The following ZNF618 variants were observed in gnomAD, a reference collection of about 807,000 sequenced individuals.
The protein encoded by ZNF618 is zinc finger protein 618, also known as neural precursor cell expressed, developmentally down-regulated 10.
ZNF618 carries 34 observed loss-of-function variants against 103.0 expected under a neutral mutation model. The observed-to-expected ratio is 0.33, with a 90% CI of 0.25 to 0.44. ZNF618 has a LOEUF of 0.44. Among genes scored for constraint, ZNF618 ranks in the 20% least tolerant of loss-of-function variants. The pLI is 1.00. For synonymous variants in ZNF618, 551 were observed against 542.2 expected (o/e 1.02, Z -0.23); for missense variants, 1,059 against 1,295.4 (o/e 0.82, Z 2.80).
chr9:113,959,145 C>T (rs2761690), intron 1 of ZNF618, among the ~76,000 whole-genome samples: 9,140 of 152,040 alleles, frequency 0.06, 364 homozygotes, highest in African/African-American at 0.12. Context: ...CAAAATTAGC[C>T]GGGCGTCGTG....
chr9:114,027,400 G>A (rs1015060262), intron 10 of ZNF618, among the ~76,000 whole-genome samples: 1 of 152,226 alleles, frequency 6.6e-6, no homozygotes, highest in Non-Finnish European at 1.5e-5. Flanking sequence ...AGAACTCCCT[G>A]CTCCCAGCAC....
intron 2 of ZNF618, among the ~76,000 whole-genome samples, chr9:113,984,851 C>T (rs1292776510): frequency 1.3e-5 from 2 of 152,238 alleles, no homozygotes; most frequent in African/African-American, 4.8e-5. Context: ...CTATCAGCTT[C>T]ATCAGCATGA....
chr9:113,909,669 G>T (rs1027296377), intron 1 of ZNF618, among the ~76,000 whole-genome samples: 1 of 152,198 alleles, frequency 6.6e-6, no homozygotes, highest in African/African-American at 2.4e-5. Context: ...TGGCTCCACA[G>T]GGTGGAAATG....
At position 114,028,966 on chromosome 9, in the gene ZNF618, AC is replaced by A. The variant is rs1397290355; in HGVS notation, c.1080del (p.Ala361GlnfsTer10). The A allele has an allele frequency of 6.5e-7, 1 of 1,550,106 alleles. No individual in the cohort carries two copies. Among genetic ancestry groups the A allele is most frequent in the Non-Finnish European group, 8.7e-7 (1 of 1,146,954 alleles). On this transcript the variant is annotated frameshift_variant, in exon 11 of 15. Coordinates refer to ENST00000374126, the MANE Select transcript of ZNF618 (RefSeq NM_001318042.2). LOFTEE classifies it high-confidence loss of function. ...PNSGSPASKA[T>X]AAESAFSRRV... The stretch of plus-strand genomic sequence containing the variant: ...TTCGGGATCTCCGGCGAGCAAGGCA[AC>A]CGCAGGTACCAATGGCCTATGTGAC...
Position 114,008,379 on chromosome 9 carries a change from G to T in ZNF618, c.676G>T (p.Asp226Tyr). The change falls in exon 8 of 15, where the codon GAC (aspartate) becomes TAC (tyrosine). Residue 226 changes from aspartate (D) to tyrosine (Y), a missense_variant and splice_region_variant. Physicochemically the swap from Asp to Tyr is radical, Grantham distance 160. This residue lies in a region of ZNF618 where 434 missense variants were observed against 476.0 expected (regional missense o/e 0.91). Transcript: ENST00000374126. ...SVEGAPENRA[D>Y]PFDQGVVATD... Reference sequence around the variant, plus strand: ...GGAAGGGGCCCCTGAGAACCGGGCAGGTAAGTCCTTGGTGTCTGCTTGTCA... The same window carrying T: ...GGAAGGGGCCCCTGAGAACCGGGCATGTAAGTCCTTGGTGTCTGCTTGTCA... 6.2e-7 allele frequency: 1 copy of T among 1,614,014 alleles called. No homozygotes were observed. Among genetic ancestry groups the T allele is most frequent in the African/African-American group, 1.3e-5 (1 of 75,070 alleles).
In ZNF618 at chr9:114,054,482, A is replaced by AG. The variant is rs1353737323; in HGVS notation, c.*4318dup. On this transcript the variant is annotated 3_prime_UTR_variant, in exon 15 of 15. Coordinates refer to ENST00000374126, the MANE Select transcript of ZNF618 (RefSeq NM_001318042.2). ...TCTATCTCTGGGATGCATCTTAAGG[A>AG]GGGCTCCTAACAAGGCCGATGATTT... The AG allele has an allele frequency of 2.6e-5, 4 of 152,374 alleles. No individual in the cohort carries two copies. Among genetic ancestry groups the AG allele is most frequent in the Non-Finnish European group, 4.4e-5 (3 of 68,072 alleles). The allele number at this position is 152,374 out of a possible 1,614,324, so 9.4% of individuals were successfully genotyped here.
At chr9:113,966,936 A>G (rs1038471247) in intron 1 of ZNF618, among the ~76,000 whole-genome samples, 1 of 152,226 alleles carries the variant, frequency 6.6e-6, no homozygotes, top group East Asian at 1.9e-4. Flanking sequence ...TACCAGTAAC[A>G]CGAAGCTGAA....
intron 6 of ZNF618, 55 bp downstream of exon 6, chr9:114,002,717 T>A: frequency 2.5e-6 from 4 of 1,590,030 alleles, no homozygotes; most frequent in Non-Finnish European, 3.4e-6. Flanking sequence ...TGGGGTGGGA[T>A]GAAGAGGAGC....
intron 6 of ZNF618, among the ~76,000 whole-genome samples, chr9:114,006,690 C>T (rs1005451689): frequency 1.1e-4 from 16 of 152,172 alleles, no homozygotes; most frequent in African/African-American, 2.2e-4. Context: ...GGTCCTTTGG[C>T]GCTGGGTCTT....
rs757709882 is a variant in ZNF618 at position 114,050,141 on chromosome 9, A to T, written c.2839A>T (p.Met947Leu). Residue 947 changes from methionine (M) to leucine (L), a missense_variant, in exon 15 of 15, where the codon ATG (methionine) becomes TTG (leucine). This residue lies in a region of ZNF618 where 156 missense variants were observed against 197.1 expected (regional missense o/e 0.79). Coordinates refer to ENST00000374126, the MANE Select transcript of ZNF618 (RefSeq NM_001318042.2). ...CAGTCCAGAAGATATGAATAAACTCATGTTTCTGAAATCCAACATGCTTTA... is the reference window on the plus strand; with the variant it reads ...CAGTCCAGAAGATATGAATAAACTCTTGTTTCTGAAATCCAACATGCTTTA... ...LLSPEDMNKL[M>L]FLKSNML 18 of 1,561,050 alleles carry T rather than the reference A, an allele frequency of 1.2e-5. No homozygotes were observed. The highest frequency in any genetic ancestry group is 5.2e-6 in the Non-Finnish European group (6 of 1,154,754).
intron 13 of ZNF618, among the ~76,000 whole-genome samples, chr9:114,043,864 A>G (rs560650925): frequency 1.3e-5 from 2 of 152,142 alleles, no homozygotes; most frequent in Non-Finnish European, 2.9e-5. Context: ...AGATTTGTCT[A>G]TTCATGTCCT....
intron 2 of ZNF618, among the ~76,000 whole-genome samples, chr9:113,985,700 G>A (rs114671723): frequency 0.018 from 2,670 of 152,270 alleles, 91 homozygotes; most frequent in African/African-American, 0.061. Context: ...TGGGTGAGGA[G>A]GCTTCCCTCT....
At chr9:113,973,828 A>G (rs1404670895) in intron 2 of ZNF618, among the ~76,000 whole-genome samples, 1 of 152,228 alleles carries the variant, frequency 6.6e-6, no homozygotes, top group African/African-American at 2.4e-5. Flanking sequence ...ACTGTAGAAA[A>G]TCTAGTCCAG....
At position 114,050,438 on chromosome 9, in the gene ZNF618, ACACG is replaced by A. The variant is rs777445503; in HGVS notation, c.*275_*278del. 9.4e-5 allele frequency: 32 copies of A among 341,484 alleles called. 1 individual carries two copies. The highest frequency in any genetic ancestry group is 6.5e-4 in the South Asian group (16 of 24,786). 21.2% of individuals were successfully genotyped at this position (341,484 alleles called of 1,614,324 possible). On this transcript the variant is annotated 3_prime_UTR_variant, in exon 15 of 15. Coordinates refer to ENST00000374126, the MANE Select transcript of ZNF618 (RefSeq NM_001318042.2). Reference sequence around the variant, plus strand: ...CTCCATGGCCAGAGAAACTTTGCACACACGCACACACACACACACACACACACAC... The same window carrying A: ...CTCCATGGCCAGAGAAACTTTGCACACACACACACACACACACACACACAC...
At chr9:113,985,147 T>C (rs1839347193) in intron 2 of ZNF618, among the ~76,000 whole-genome samples, 1 of 152,222 alleles carries the variant, frequency 6.6e-6, no homozygotes, top group African/African-American at 2.4e-5. Context: ...GTAGGTACCG[T>C]GTTTGTCCCC....
Position 114,032,643 on chromosome 9 carries a change from A to G in ZNF618, c.1085-2A>G. Reference sequence around the variant, plus strand: ...TCTTTCTCTCTCCTGTCCCCCACCCAGCAGAAAGCGCTTTCAGTCGGAGAG... The same window carrying G: ...TCTTTCTCTCTCCTGTCCCCCACCCGGCAGAAAGCGCTTTCAGTCGGAGAG... On this transcript the variant is annotated splice_acceptor_variant, in intron 11 of 14. Coordinates refer to ENST00000374126, the MANE Select transcript of ZNF618 (RefSeq NM_001318042.2). LOFTEE classifies it high-confidence loss of function. 6.2e-7 allele frequency: 1 copy of G among 1,613,928 alleles called. No homozygotes were observed. The highest frequency in any genetic ancestry group is 8.5e-7 in the Non-Finnish European group (1 of 1,179,810).
intron 9 of ZNF618, among the ~76,000 whole-genome samples, chr9:114,009,008 G>C (rs1465423908): frequency 2.0e-5 from 3 of 152,210 alleles, no homozygotes; most frequent in Non-Finnish European, 2.9e-5. Flanking sequence ...CAGTGAATGA[G>C]CTGTCCAGGG....
At chr9:113,927,052 A>G (rs914563795) in intron 1 of ZNF618, among the ~76,000 whole-genome samples, 3 of 152,172 alleles carry the variant, frequency 2.0e-5, no homozygotes, top group African/African-American at 4.8e-5. Flanking sequence ...TCCCAAGTCT[A>G]TGTCATATCC....
chr9:113,922,673 C>G (rs769393863), intron 1 of ZNF618, among the ~76,000 whole-genome samples: 1 of 152,086 alleles, frequency 6.6e-6, no homozygotes, highest in Non-Finnish European at 1.5e-5. Context: ...TTTATTCTTT[C>G]ACCAACACTA....
Sources: allele counts gnomAD v4.1 joint callset (sites outside exome capture counted in the v4.1 genomes callset), GRCh38; gene constraint gnomAD v4.1.1; regional missense constraint gnomAD v4.1.1; transcripts MANE v1.5; gene names NCBI Gene and HGNC (gene_info 2026-07-23, HGNC 2026-07-21).